The following AHDC1 variants were observed in gnomAD, a reference collection of about 807,000 sequenced individuals.
The protein encoded by AHDC1 is AT-hook DNA binding motif containing 1.
A neutral mutation model predicts 87.9 loss-of-function variants in AHDC1; 7 were observed. The observed-to-expected ratio is 0.08, with a 90% CI of 0.05 to 0.15. The LOEUF is 0.15. AHDC1 is among the 10% of genes least tolerant of loss of function. The pLI is 1.00. For synonymous variants in AHDC1, 1,051 were observed against 1,006.8 expected, an observed-to-expected ratio of 1.04 and a Z score of -0.83; for missense variants, 1,841 against 2,253.2, an observed-to-expected ratio of 0.82 and a Z score of 3.70.
At position 27,551,449 on chromosome 1, in the gene AHDC1, T is replaced by C; in HGVS notation, c.667A>G (p.Thr223Ala). ...GHSPGATAAA[T>A]GLPPEPEPDS... ...GGCTCAGGCTCTGGGGGCAGACCCG[T>C]GGCCGCAGCCGTGGCTCCGGGACTA... The change falls in exon 8 of 9, where the codon ACG (threonine) becomes GCG (alanine). Residue 223 changes from threonine (T) to alanine (A), a missense_variant. Around this residue, in one of 13 missense-constraint regions of AHDC1, gnomAD observed 370 missense variants for 391.5 expected, o/e 0.95. Transcript: ENST00000673934. The C allele has an allele frequency of 6.2e-7, 1 of 1,612,220 alleles. No homozygotes were observed. Among genetic ancestry groups the C allele is most frequent in the Non-Finnish European group, 8.5e-7 (1 of 1,179,738 alleles).
At chr1:27,569,316 T>A (rs190446568) in intron 3 of AHDC1, among the ~76,000 whole-genome samples, 2 of 152,234 alleles carry the variant, frequency 1.3e-5, no homozygotes, top group African/African-American at 4.8e-5. Context: ...CCAATCCTCA[T>A]CATCACCCTA....
intron 3 of AHDC1, among the ~76,000 whole-genome samples, chr1:27,571,949 TCGAACCACTG>T (rs1454620746): frequency 6.6e-6 from 1 of 151,984 alleles, no homozygotes; most frequent in East Asian, 1.9e-4. Context: ...AGTGTGACAC[TCGAACCACTG>T]CAGCTGCTCC....
At chr1:27,567,696 C>T (rs911875465) in intron 3 of AHDC1, among the ~76,000 whole-genome samples, 1 of 152,204 alleles carries the variant, frequency 6.6e-6, no homozygotes, top group African/African-American at 2.4e-5. Flanking sequence ...TCATTATGTC[C>T]CCAACACAAG....
chr1:27,570,286 C>G (rs1384779277), intron 3 of AHDC1, among the ~76,000 whole-genome samples: 1 of 151,998 alleles, frequency 6.6e-6, no homozygotes, highest in Non-Finnish European at 1.5e-5. Flanking sequence ...GTTGCAAACT[C>G]CCCCTTGAGC....
chr1:27,549,568 A>C lies in AHDC1; in HGVS notation c.2548T>G (p.Ser850Ala). The change falls in exon 8 of 9, where the codon TCC (serine) becomes GCC (alanine). Residue 850 changes from serine (S) to alanine (A), a missense_variant. Ser to Ala is a moderately conservative substitution (Grantham distance 99, BLOSUM62 1). This residue lies in a region of AHDC1 where 378 missense variants were observed against 399.0 expected (regional missense o/e 0.95). Transcript: ENST00000673934. ...FRSLLDSDDS[S>A]DLLDFALSAS... Reference sequence around the variant, plus strand: ...GAGAGGGCAAAGTCCAAGAGATCGGAGGAGTCATCCGAATCGAGCAGCGAG... The same window carrying C: ...GAGAGGGCAAAGTCCAAGAGATCGGCGGAGTCATCCGAATCGAGCAGCGAG... 1 of 1,613,200 alleles carries C rather than the reference A, an allele frequency of 6.2e-7. No individual in the cohort carries two copies. The highest frequency in any genetic ancestry group is 1.1e-5 in the South Asian group (1 of 91,082).
chr1:27,600,103 CTCTT>C (rs766501925), intron 3 of AHDC1, among the ~76,000 whole-genome samples: 4 of 151,962 alleles, frequency 2.6e-5, no homozygotes, highest in East Asian at 3.9e-4. Flanking sequence ...TGCCTGTTTT[CTCTT>C]TCACTCTCAT....
intron 3 of AHDC1, among the ~76,000 whole-genome samples, chr1:27,577,577 T>C (rs2088791377): frequency 6.6e-6 from 1 of 152,206 alleles, no homozygotes. Context: ...TTGGAGCTGC[T>C]TCCTGCTCCC....
In AHDC1 at chr1:27,595,214, G is replaced by A. The variant is rs1344836640; in HGVS notation, c.-629+8183C>T. Among the ~76,000 whole-genome samples, 1 of 152,072 alleles carries A rather than the reference G, an allele frequency of 6.6e-6. No individual in the cohort carries two copies. Among genetic ancestry groups the A allele is most frequent in the Non-Finnish European group, 1.5e-5 (1 of 68,008 alleles). ...TTGAAGCAGTGAGTGTATGTGTGTT[G>A]TAGGGGGAGGCTGTATGTTTGGAAA... On this transcript the variant is annotated intron_variant, in intron 3 of 8. Transcript: ENST00000673934. The surrounding 1 kb of genome is among the most constrained non-coding windows in gnomAD (Gnocchi z 4.0).
intron 3 of AHDC1, among the ~76,000 whole-genome samples, chr1:27,581,391 C>T (rs576783485): frequency 6.6e-6 from 1 of 151,376 alleles, no homozygotes; most frequent in African/African-American, 2.4e-5. Flanking sequence ...TCATCATCTT[C>T]TCAAAATGGG....
chr1:27,570,549 A>T (rs1252977612), intron 3 of AHDC1, among the ~76,000 whole-genome samples: 1 of 152,064 alleles, frequency 6.6e-6, no homozygotes, highest in Admixed American at 6.5e-5. Flanking sequence ...TGACCCAGCC[A>T]AAAACCTAGC....
rs1408899394 is a variant in AHDC1 at position 27,549,698 on chromosome 1, C to T, written c.2418G>A (p.Leu806=). 6.2e-7 allele frequency: 1 copy of T among 1,612,698 alleles called. No homozygotes were observed. The highest frequency in any genetic ancestry group is 8.5e-7 in the Non-Finnish European group (1 of 1,179,944). The change falls in exon 8 of 9, where the codon CTG becomes CTA. Residue 806 remains leucine (L), a synonymous_variant. Transcript: ENST00000673934. The part of the protein sequence containing the change: ...TEARAFASTG[L]ESGASGRGSY... ...TGCCACGGCCTGAGGCTCCACTCTC[C>T]AGCCCAGTGGAGGCAAAGGCCCGGG... is the stretch of plus-strand genomic sequence containing the variant.
chr1:27,553,219 G>A (rs1376468947), intron 5 of AHDC1, 34 bp from the exon 6 acceptor site: 1 of 152,628 alleles, frequency 6.6e-6, no homozygotes, highest in Admixed American at 6.5e-5. Flanking sequence ...GGTTTAGTGA[G>A]CACCTACTGC....
chr1:27,575,785 C>G (rs1331441866), intron 3 of AHDC1, among the ~76,000 whole-genome samples: 1 of 151,652 alleles, frequency 6.6e-6, no homozygotes, highest in African/African-American at 2.4e-5. Flanking sequence ...GTGGCAGCCC[C>G]GACCGGGGGC....
chr1:27,562,121 C>T lies in AHDC1; in HGVS notation c.-628-3238G>A, dbSNP rs1571270291. On this transcript the variant is annotated intron_variant, in intron 3 of 8. Transcript: ENST00000673934. The surrounding 1 kb of genome is among the most constrained non-coding windows in gnomAD (Gnocchi z 4.4). ...GCAGCGAAGCAGAGGCAGGGTGGGC[C>T]GGGGAGAAGGGCCGAGGGGAGGCCT... 2.6e-5 allele frequency among the ~76,000 whole-genome samples: 4 copies of T among 151,724 alleles called. No homozygotes were observed. The highest frequency in any genetic ancestry group is 2.1e-4 in the South Asian group (1 of 4,800).
intron 5 of AHDC1, among the ~76,000 whole-genome samples, chr1:27,554,167 C>T (rs555921235): frequency 4.1e-4 from 63 of 152,216 alleles, no homozygotes; most frequent in African/African-American, 1.5e-3. Flanking sequence ...GCTCTTTCTT[C>T]TTCTCCAGAC....
At chr1:27,599,759 C>G (rs1028688558) in intron 3 of AHDC1, among the ~76,000 whole-genome samples, 3 of 152,144 alleles carry the variant, frequency 2.0e-5, no homozygotes, top group Non-Finnish European at 4.4e-5. Flanking sequence ...GCCACGCCCC[C>G]CCGGGTCCCA....
intron 3 of AHDC1, among the ~76,000 whole-genome samples, chr1:27,591,418 C>T (rs1031271650): frequency 3.3e-5 from 5 of 152,216 alleles, no homozygotes; most frequent in Non-Finnish European, 5.9e-5. Flanking sequence ...TGGGCCTCAG[C>T]CTTCCCACTG....
chr1:27,545,750 A>G (rs1374028530), intron 8 of AHDC1, among the ~76,000 whole-genome samples: 1 of 152,192 alleles, frequency 6.6e-6, no homozygotes, highest in African/African-American at 2.4e-5. Flanking sequence ...CTGCCAAAAA[A>G]AAAAAAAAAG....
At chr1:27,579,210 C>T (rs1027566140) in intron 3 of AHDC1, among the ~76,000 whole-genome samples, 4 of 151,874 alleles carry the variant, frequency 2.6e-5, no homozygotes, top group African/African-American at 9.7e-5. Flanking sequence ...AACTTTTTAA[C>T]GTTTTTGTAG....
Sources: allele counts gnomAD v4.1 joint callset (sites outside exome capture counted in the v4.1 genomes callset), GRCh38; gene constraint gnomAD v4.1.1; regional missense constraint gnomAD v4.1.1; non-coding constraint Gnocchi (gnomAD v3.1); transcripts MANE v1.5; gene names NCBI Gene and HGNC (gene_info 2026-07-23, HGNC 2026-07-21).